Variants in MTMR9 observed in about 807,000 individuals in gnomAD.
MTMR9 encodes myotubularin related protein 9.
A neutral mutation model predicts 69.5 loss-of-function variants in MTMR9; 39 were observed. That is an observed-to-expected ratio of 0.56 (90% CI 0.43 to 0.73). The LOEUF is 0.73. MTMR9 is among the 30% of genes least tolerant of loss of function. The pLI is 0.00. For synonymous variants in MTMR9, 354 were observed against 240.8 expected (o/e 1.47, Z -4.35); for missense variants, 900 against 671.2 (o/e 1.34, Z -3.77).
downstream of MTMR9, chr8:11,331,018 C>T (rs1294878908): frequency 2.0e-6 from 3 of 1,505,572 alleles, no homozygotes; most frequent in Non-Finnish European, 1.8e-6. Context: ...GGAAGAACCC[C>T]ACCCGCACTC....
chr8:11,325,245 G>A lies in MTMR9; in HGVS notation c.*2457G>A, dbSNP rs778755747. 12 of 152,118 alleles carry A rather than the reference G, an allele frequency of 7.9e-5. No homozygotes were observed. The highest frequency in any genetic ancestry group is 1.0e-4 in the Non-Finnish European group (7 of 68,022). 9.4% of individuals were successfully genotyped at this position (152,118 alleles called of 1,614,324 possible). The stretch of plus-strand genomic sequence containing the variant: ...TTAGAGTTTTCCCAAATCCAAAAAC[G>A]GTCAGAAATAAGTCCATTATCAATA... On this transcript the variant is annotated 3_prime_UTR_variant, in exon 10 of 10. Coordinates refer to ENST00000221086, the MANE Select transcript of MTMR9 (RefSeq NM_015458.4).
At chr8:11,312,911 T>C (rs1307726530) in intron 6 of MTMR9, among the ~76,000 whole-genome samples, 1 of 152,192 alleles carries the variant, frequency 6.6e-6, no homozygotes, top group Non-Finnish European at 1.5e-5. Context: ...CCAGGTGCAT[T>C]GTCAGTGTGC....
intron 1 of MTMR9, 169 bp from the exon 2 acceptor site, chr8:11,295,025 G>A (rs1261020707): frequency 2.1e-6 from 1 of 473,154 alleles, no homozygotes; most frequent in African/African-American, 2.0e-5. Context: ...TGTAAGTAAT[G>A]TATGGCTCAC....
At chr8:11,295,152 G>A (rs1799506015) in intron 1 of MTMR9, 42 bp from the exon 2 acceptor site, 1 of 979,254 alleles carries the variant, frequency 1.0e-6, no homozygotes, top group Non-Finnish European at 1.6e-6. Flanking sequence ...TTTAAAGTTA[G>A]TAATATATGT....
chr8:11,300,645 A>G (rs995432657), intron 3 of MTMR9: 1 of 152,416 alleles, frequency 6.6e-6, no homozygotes, highest in African/African-American at 2.4e-5. Context: ...GAAAGCAATA[A>G]AATAACTAGA....
At chr8:11,301,093 A>G (rs183631876) in intron 3 of MTMR9, among the ~76,000 whole-genome samples, 1 of 152,316 alleles carries the variant, frequency 6.6e-6, no homozygotes, top group African/African-American at 2.4e-5. Context: ...TTAAAGTGGC[A>G]GTTCTCCCTT....
chr8:11,312,291 C>T (rs914718100), intron 6 of MTMR9, among the ~76,000 whole-genome samples: 6 of 152,010 alleles, frequency 3.9e-5, no homozygotes, highest in Non-Finnish European at 5.9e-5. Context: ...CTCAAACAAT[C>T]CTCCTGCCTC....
rs61227530 is a variant in MTMR9, at chr8:11,294,500, CTTTTT to C, written c.183-680_183-676del. On this transcript the variant is annotated intron_variant, in intron 1 of 9. Coordinates refer to ENST00000221086, the MANE Select transcript of MTMR9 (RefSeq NM_015458.4). ...TGTTAGATTTTGTCAAATACTTTCA[CTTTTT>C]TTTTTTTTTTTTTGAGACAGAGTCT... Among the ~76,000 whole-genome samples, 4 of 105,810 alleles carry C rather than the reference CTTTTT, an allele frequency of 3.8e-5. No homozygotes were observed. The South Asian group carries it at 1.3e-3, about 33-fold the overall frequency. 69.4% of individuals were successfully genotyped at this position (105,810 alleles called of 152,430 possible). A position where few individuals can be genotyped will look rare whatever the true frequency, so the allele number is the denominator to read the frequency against.
At chr8:11,331,697 C>T, downstream of MTMR9, 2 of 1,612,006 alleles carry the variant, frequency 1.2e-6, no homozygotes, top group Non-Finnish European at 1.7e-6. Flanking sequence ...TGCAGGCTTT[C>T]CTGGGAGGCC....
chr8:11,287,450 C>G (rs1799202979), intron 1 of MTMR9, among the ~76,000 whole-genome samples: 1 of 151,808 alleles, frequency 6.6e-6, no homozygotes, highest in African/African-American at 2.4e-5. Flanking sequence ...ACACATTTAT[C>G]CTTTTCCTGG....
At chr8:11,301,130 C>G (rs1049407713) in intron 3 of MTMR9, among the ~76,000 whole-genome samples, 9 of 152,044 alleles carry the variant, frequency 5.9e-5, no homozygotes, top group African/African-American at 1.9e-4. Flanking sequence ...CAGTGCAATC[C>G]CTGTTAAAAT....
chr8:11,287,881 CATAT>C (rs1248517561), intron 1 of MTMR9, among the ~76,000 whole-genome samples: 4 of 117,622 alleles, frequency 3.4e-5, no homozygotes, highest in Non-Finnish European at 4.9e-5. Flanking sequence ...TAATATATAA[CATAT>C]ATAATACGTA....
intron 9 of MTMR9, chr8:11,321,181 G>C (rs543936200): frequency 1.1e-5 from 3 of 283,448 alleles, no homozygotes; most frequent in African/African-American, 6.6e-5. Flanking sequence ...GTGTCCCCTA[G>C]TTAGCATTGT....
intron 1 of MTMR9, among the ~76,000 whole-genome samples, chr8:11,289,447 A>C (rs911758795): frequency 1.3e-5 from 2 of 152,156 alleles, no homozygotes; most frequent in African/African-American, 2.4e-5. Context: ...TGATCCTTTC[A>C]ACATGCAAGG....
chr8:11,329,763 G>C (rs566923659), downstream of MTMR9, among the ~76,000 whole-genome samples: 5 of 152,082 alleles, frequency 3.3e-5, no homozygotes, highest in African/African-American at 1.2e-4. Context: ...GAGCGTCTCC[G>C]CCTGGCCACC....
intron 5 of MTMR9, 47 bp from the exon 6 acceptor site, chr8:11,309,480 T>C: frequency 2.0e-6 from 3 of 1,532,818 alleles, no homozygotes; most frequent in Non-Finnish European, 2.7e-6. Flanking sequence ...TTTCTTTATC[T>C]TTCTATTTTC....
At chr8:11,332,756 C>G (rs779973305), downstream of MTMR9, among the ~76,000 whole-genome samples, 12 of 152,226 alleles carry the variant, frequency 7.9e-5, no homozygotes, top group East Asian at 1.9e-3. Flanking sequence ...TGCATGCCAC[C>G]ACACGCAGCT....
chr8:11,331,935 G>T, downstream of MTMR9: 1 of 1,612,028 alleles, frequency 6.2e-7, no homozygotes, highest in Non-Finnish European at 8.5e-7. Flanking sequence ...GGTCACCAAG[G>T]CCCACCCTGC....
At chr8:11,295,774 T>G (rs1453415398) in intron 2 of MTMR9, among the ~76,000 whole-genome samples, 1 of 152,210 alleles carries the variant, frequency 6.6e-6, no homozygotes, top group Admixed American at 6.5e-5. Flanking sequence ...TTTGTTCAAG[T>G]AAAATCTTAT....
Sources: allele counts gnomAD v4.1 joint callset (sites outside exome capture counted in the v4.1 genomes callset), GRCh38; gene constraint gnomAD v4.1.1; transcripts MANE v1.5; gene names NCBI Gene and HGNC (gene_info 2026-07-23, HGNC 2026-07-21).